Variants in TMCO4 observed in about 807,000 individuals in gnomAD.
TMCO4 encodes transmembrane and coiled-coil domain-containing protein 4.
A neutral mutation model predicts 64.7 loss-of-function variants in TMCO4; 58 were observed. The observed-to-expected ratio is 0.90, with a 90% CI of 0.73 to 1.12. TMCO4 has a LOEUF of 1.12. TMCO4 is among the 50% of genes most tolerant of loss of function. The probability of loss-of-function intolerance (pLI) is 0.00; values close to 1 mark genes in which losing one functional copy is unlikely to be tolerated. For synonymous variants in TMCO4, 325 were observed against 346.1 expected (o/e 0.94, Z 0.68); for missense variants, 780 against 825.9 (o/e 0.94, Z 0.68).
At chr1:19,706,348 T>C (rs2095303323) in intron 13 of TMCO4, among the ~76,000 whole-genome samples, 3 of 152,328 alleles carry the variant, frequency 2.0e-5, no homozygotes, top group South Asian at 4.1e-4. Context: ...TAATAATGGA[T>C]ATGAGAAGAC....
intron 4 of TMCO4, among the ~76,000 whole-genome samples, chr1:19,771,909 C>A (rs564136735): frequency 3.3e-5 from 5 of 152,236 alleles, no homozygotes; most frequent in Non-Finnish European, 7.4e-5. Context: ...CCACCCGCCC[C>A]GGCCTCCCAA....
chr1:19,750,548 T>C (rs1188871679), intron 7 of TMCO4, among the ~76,000 whole-genome samples: 1 of 152,156 alleles, frequency 6.6e-6, no homozygotes, highest in Non-Finnish European at 1.5e-5. Context: ...TAGAAAAATA[T>C]AACCATGACT....
chr1:19,711,958 A>G (rs2095332689), intron 13 of TMCO4, among the ~76,000 whole-genome samples: 1 of 151,388 alleles, frequency 6.6e-6, no homozygotes, highest in Non-Finnish European at 1.5e-5. Context: ...TGCCCGGTAA[A>G]GTTTTTGCTA....
chr1:19,694,308 A>T, intron 15 of TMCO4, 126 bp downstream of exon 15: 1 of 796,042 alleles, frequency 1.3e-6, no homozygotes, highest in Non-Finnish European at 2.0e-6. Context: ...GGCTCCAAAT[A>T]AATTCTTATG....
In TMCO4 at chr1:19,734,795, C is replaced by T. The variant is rs2100812877; in HGVS notation, c.1264+2577G>A. Among the ~76,000 whole-genome samples the T allele has an allele frequency of 6.6e-6, 1 of 152,300 alleles. No individual in the cohort carries two copies. Among genetic ancestry groups the T allele is most frequent in the African/African-American group, 2.4e-5 (1 of 41,574 alleles). On this transcript the variant is annotated intron_variant, in intron 13 of 15. Coordinates refer to ENST00000294543, the MANE Select transcript of TMCO4 (RefSeq NM_181719.7). The surrounding 1 kb of genome is among the most constrained non-coding windows in gnomAD (Gnocchi z 4.4). ...CAGACTCCCTGGGCCTGAATCCTGG[C>T]TCTGGCACTTAGGATTCTTGTGGCT... is the stretch of plus-strand genomic sequence containing the variant.
intron 4 of TMCO4, among the ~76,000 whole-genome samples, chr1:19,779,067 CA>C (rs1308166235): frequency 1.3e-5 from 2 of 152,114 alleles, no homozygotes; most frequent in African/African-American, 4.8e-5. Flanking sequence ...GACAGAAAAA[CA>C]AAAACCCCAA....
At chr1:19,762,087 G>A (rs1421895487) in intron 6 of TMCO4, among the ~76,000 whole-genome samples, 5 of 152,216 alleles carry the variant, frequency 3.3e-5, no homozygotes, top group Non-Finnish European at 7.3e-5. Flanking sequence ...GTCAGAGAGT[G>A]CTGGAGCTTG....
At position 19,694,530 on chromosome 1, in the gene TMCO4, GAA is replaced by G. The variant is rs376795192; in HGVS notation, c.1402_1403del (p.Phe468ArgfsTer124). 1.6e-3 allele frequency: 2,554 copies of G among 1,614,008 alleles called. 2 individuals carry two copies. The highest frequency in any genetic ancestry group is 2.2e-3 in the Admixed American group (130 of 60,022). On this transcript the variant is annotated frameshift_variant, in exon 15 of 16. Coordinates refer to ENST00000294543, the MANE Select transcript of TMCO4 (RefSeq NM_181719.7). LOFTEE classifies it high-confidence loss of function. Reference sequence around the variant, plus strand: ...GCTGCACCGAGGATGTGCGGTACACGAAACTCAGCAGCCAGTCTCCCCTGTGG... The same window carrying G: ...GCTGCACCGAGGATGTGCGGTACACGACTCAGCAGCCAGTCTCCCCTGTGG... ...GYCRGDWLLS[F>X]VYRTSSVQLR...
chr1:19,728,650 T>G (rs1033930413), intron 13 of TMCO4, among the ~76,000 whole-genome samples: 7 of 152,148 alleles, frequency 4.6e-5, no homozygotes, highest in African/African-American at 1.7e-4. Context: ...CTCTGTTGAT[T>G]TGCTGGGAAA....
At chr1:19,711,159 A>G (rs1342933355) in intron 13 of TMCO4, among the ~76,000 whole-genome samples, 1 of 152,220 alleles carries the variant, frequency 6.6e-6, no homozygotes, top group Admixed American at 6.5e-5. Context: ...TGTACCACAC[A>G]TGCCTCATTT....
chr1:19,742,566 T>G (rs2095484403), intron 10 of TMCO4, among the ~76,000 whole-genome samples: 2 of 152,126 alleles, frequency 1.3e-5, no homozygotes, highest in African/African-American at 4.8e-5. Context: ...CAACTGCCTC[T>G]AATTATGGAT....
chr1:19,731,983 C>A (rs941832562), intron 13 of TMCO4, among the ~76,000 whole-genome samples: 5 of 152,208 alleles, frequency 3.3e-5, no homozygotes, highest in Non-Finnish European at 4.4e-5. Flanking sequence ...GATCTTGCAT[C>A]AGAGAGATCT....
chr1:19,754,189 G>A (rs1036097821), intron 7 of TMCO4, among the ~76,000 whole-genome samples: 4 of 152,094 alleles, frequency 2.6e-5, no homozygotes, highest in South Asian at 2.1e-4. Flanking sequence ...TGGGGTTACC[G>A]GTATTATCAG....
chr1:19,728,423 G>T (rs2095417355), intron 13 of TMCO4, among the ~76,000 whole-genome samples: 1 of 152,206 alleles, frequency 6.6e-6, no homozygotes, highest in South Asian at 2.1e-4. Context: ...GGTGGCTATT[G>T]CTATGCTGCT....
intron 6 of TMCO4, among the ~76,000 whole-genome samples, chr1:19,763,571 G>A (rs2294635): frequency 0.18 from 26,668 of 152,104 alleles, 2,583 homozygotes; most frequent in East Asian, 0.35. Context: ...GGGTGAGGCT[G>A]TGGGCTGCCT....
chr1:19,775,517 A>G (rs2043167946), intron 4 of TMCO4, among the ~76,000 whole-genome samples: 1 of 152,226 alleles, frequency 6.6e-6, no homozygotes, highest in South Asian at 2.1e-4. Flanking sequence ...AACCAGCCAT[A>G]TCTTGCCTGC....
intron 13 of TMCO4, among the ~76,000 whole-genome samples, chr1:19,728,662 G>A (rs545698533): frequency 6.6e-5 from 10 of 152,284 alleles, no homozygotes; most frequent in African/African-American, 1.9e-4. Context: ...GCTGGGAAAC[G>A]TGCTGGGTGC....
chr1:19,716,074 T>C (rs1397509934), intron 13 of TMCO4, among the ~76,000 whole-genome samples: 1 of 152,160 alleles, frequency 6.6e-6, no homozygotes, highest in Non-Finnish European at 1.5e-5. Context: ...CACAGCATTA[T>C]GGGAGGCCGA....
At chr1:19,758,272 T>G (rs1273822615) in intron 6 of TMCO4, among the ~76,000 whole-genome samples, 2 of 151,796 alleles carry the variant, frequency 1.3e-5, no homozygotes, top group Non-Finnish European at 2.9e-5. Context: ...GTCTACGTGC[T>G]GGGGACAGAC....
Sources: gnomAD v4.1 joint callset for allele counts (sites outside exome capture counted in the v4.1 genomes callset) on GRCh38, gnomAD v4.1.1 for gene constraint, Gnocchi (gnomAD v3.1) non-coding constraint, MANE v1.5 for transcripts, NCBI Gene and HGNC (gene_info 2026-07-23, HGNC 2026-07-21) for gene names.